Variants in SORCS2 observed in about 807,000 individuals in gnomAD.
SORCS2 encodes VPS10 domain-containing receptor SorCS2.
SORCS2 carries 100 observed loss-of-function variants against 141.6 expected under a neutral mutation model. The ratio of observed to expected loss-of-function variants is 0.71; its 90% CI spans 0.60 to 0.83. SORCS2 has a LOEUF of 0.83. SORCS2 is among the 40% of genes least tolerant of loss of function. The probability of loss-of-function intolerance (pLI) is 0.00; values close to 1 mark genes in which losing one functional copy is unlikely to be tolerated. For missense variants in SORCS2, 1,646 were observed against 1,560.2 expected (o/e 1.05, Z -0.93); for synonymous variants, 789 against 676.9 (o/e 1.17, Z -2.57).
At chr4:7,446,811 T>C (rs1266643972) in intron 2 of SORCS2, among the ~76,000 whole-genome samples, 1 of 152,176 alleles carries the variant, frequency 6.6e-6, no homozygotes, top group African/African-American at 2.4e-5. Context: ...CCCCGGGACA[T>C]GGAGATAGGA....
chr4:7,389,858 T>G (rs952840419), intron 1 of SORCS2, among the ~76,000 whole-genome samples: 10 of 152,110 alleles, frequency 6.6e-5, no homozygotes, highest in African/African-American at 2.2e-4. Context: ...GGAACCAGAC[T>G]GCTGAGGGAT....
intron 2 of SORCS2, among the ~76,000 whole-genome samples, chr4:7,420,815 A>G (rs541841447): frequency 4.6e-5 from 7 of 152,220 alleles, no homozygotes; most frequent in African/African-American, 1.7e-4. Context: ...CCCGCCTGCC[A>G]CCGTCACAAG....
intron 1 of SORCS2, among the ~76,000 whole-genome samples, chr4:7,226,779 A>AG (rs780668519): frequency 1.3e-5 from 2 of 152,130 alleles, no homozygotes; most frequent in East Asian, 2.0e-4. Context: ...GGGGGATGGA[A>AG]GGGGGGCACG....
chr4:7,551,183 T>G (rs968587508), intron 3 of SORCS2, among the ~76,000 whole-genome samples: 1 of 152,220 alleles, frequency 6.6e-6, no homozygotes, highest in African/African-American at 2.4e-5. Context: ...AAAATTGGTT[T>G]GATATTGTTG....
chr4:7,353,888 A>G (rs993453251), intron 1 of SORCS2, among the ~76,000 whole-genome samples: 12 of 152,218 alleles, frequency 7.9e-5, no homozygotes, highest in African/African-American at 2.7e-4. Flanking sequence ...TTGGGAAAGC[A>G]TAATGGTTTC....
rs192346926 is a variant in SORCS2, at chr4:7,269,256, C to A, written c.480+76130C>A. 5.9e-5 allele frequency among the ~76,000 whole-genome samples: 9 copies of A among 152,302 alleles called. No individual in the cohort carries two copies. In the East Asian group the frequency reaches 1.7e-3, roughly 29 times the overall value. ...AGGATGGCACTGTCATTCTCTGGAA[C>A]AGCAAAGGTCCTGAGTGAGACAGGC... On this transcript the variant is annotated intron_variant, in intron 1 of 26. Coordinates refer to ENST00000507866, the MANE Select transcript of SORCS2 (RefSeq NM_020777.3).
At chr4:7,490,823 CACTCCTCCCAGGCCT>C (rs1052214949) in intron 2 of SORCS2, among the ~76,000 whole-genome samples, 24 of 152,246 alleles carry the variant, frequency 1.6e-4, no homozygotes, top group African/African-American at 5.1e-4. Flanking sequence ...GTCCCCGCTG[CACTCCTCCCAGGCCT>C]GCTTCTCCCT....
At chr4:7,737,040 G>A (rs1286228312) in intron 25 of SORCS2, 29 bp from the exon 26 acceptor site, 14 of 1,549,890 alleles carry the variant, frequency 9.0e-6, no homozygotes, top group Non-Finnish European at 1.0e-5. Flanking sequence ...GCCCCTCCAA[G>A]CTGAGCCGCC....
intron 2 of SORCS2, among the ~76,000 whole-genome samples, chr4:7,519,155 A>G (rs1733167619): frequency 6.6e-6 from 1 of 152,226 alleles, no homozygotes; most frequent in African/African-American, 2.4e-5. Context: ...AAGGCTCTGC[A>G]TGCCGAGGGG....
intron 8 of SORCS2, among the ~76,000 whole-genome samples, chr4:7,671,831 A>G (rs971669745): frequency 6.6e-6 from 1 of 152,174 alleles, no homozygotes; most frequent in African/African-American, 2.4e-5. Context: ...ATCAATTTAT[A>G]TTGATGAAAG....
intron 1 of SORCS2, among the ~76,000 whole-genome samples, chr4:7,341,399 C>A (rs997437158): frequency 3.3e-5 from 5 of 152,220 alleles, no homozygotes; most frequent in African/African-American, 1.2e-4. Flanking sequence ...AGCCCTGAAC[C>A]CTGCGGGGCT....
intron 3 of SORCS2, among the ~76,000 whole-genome samples, chr4:7,571,100 G>GCC (rs1424241602): frequency 6.6e-6 from 1 of 152,250 alleles, no homozygotes; most frequent in Non-Finnish European, 1.5e-5. Context: ...AGTTACAGCA[G>GCC]CCCCCAGCCC....
chr4:7,598,215 C>G (rs1053651064), intron 3 of SORCS2, among the ~76,000 whole-genome samples: 2 of 152,236 alleles, frequency 1.3e-5, no homozygotes, highest in Admixed American at 1.3e-4. Flanking sequence ...GATCTGCCTG[C>G]CTCAGCCTTC....
chr4:7,712,438 T>G (rs1725880629), intron 14 of SORCS2, among the ~76,000 whole-genome samples: 1 of 152,294 alleles, frequency 6.6e-6, no homozygotes, highest in East Asian at 1.9e-4. Flanking sequence ...TCCTTCCCTG[T>G]CCATCAAGCG....
chr4:7,484,153 C>T (rs540735608), intron 2 of SORCS2, among the ~76,000 whole-genome samples: 1 of 152,310 alleles, frequency 6.6e-6, no homozygotes, highest in Admixed American at 6.5e-5. Context: ...AGTTATCCAT[C>T]CCAGCGGTCC....
chr4:7,365,365 G>C (rs904108274), intron 1 of SORCS2, among the ~76,000 whole-genome samples: 2 of 152,112 alleles, frequency 1.3e-5, no homozygotes, highest in African/African-American at 2.4e-5. Flanking sequence ...GTGGGGAAGG[G>C]GTGTGTGGCG....
chr4:7,562,418 G>A (rs1714668154), intron 3 of SORCS2, among the ~76,000 whole-genome samples: 1 of 152,186 alleles, frequency 6.6e-6, no homozygotes, highest in African/African-American at 2.4e-5. Context: ...AGGCTGGGGA[G>A]ACAGTAGGCT....
At position 7,664,872 on chromosome 4, in the gene SORCS2, C is replaced by T. The variant is rs1203642500; in HGVS notation, c.1071+401C>T. 3.3e-5 allele frequency among the ~76,000 whole-genome samples: 5 copies of T among 152,214 alleles called. No homozygotes were observed. Among genetic ancestry groups the T allele is most frequent in the Non-Finnish European group, 5.9e-5 (4 of 68,046 alleles). ...GTGACCAGGACTCTGCTGCCTGTGC[C>T]CTCAGGTCACAAGTGGGCCCACCCT... On this transcript the variant is annotated intron_variant, in intron 7 of 26. Transcript: ENST00000507866. This position sits in a 1 kb window ranked among gnomAD's most constrained non-coding sequence, Gnocchi z 4.7.
At chr4:7,602,636 G>A (rs1004197158) in intron 3 of SORCS2, among the ~76,000 whole-genome samples, 5 of 149,304 alleles carry the variant, frequency 3.3e-5, no homozygotes, top group Non-Finnish European at 7.4e-5. Flanking sequence ...CTTCCTTGAC[G>A]GGATGACTGC....
Sources: allele counts gnomAD v4.1 joint callset (sites outside exome capture counted in the v4.1 genomes callset), GRCh38; gene constraint gnomAD v4.1.1; non-coding constraint Gnocchi (gnomAD v3.1); transcripts MANE v1.5; gene names NCBI Gene and HGNC (gene_info 2026-07-23, HGNC 2026-07-21).